PMP22: variants seen among roughly 807,000 people sequenced by gnomAD.
The protein encoded by PMP22 is Charcot-Marie-Tooth neuropathy 1A (greatly reduced nerve conduction velocity, hereditary motor sensory neuropathy Ia).
Under a neutral mutation model 18.9 loss-of-function variants are expected in PMP22, and 2 were observed. The ratio of observed to expected loss-of-function variants is 0.11; its 90% CI spans 0.04 to 0.33. The LOEUF (loss-of-function observed/expected upper bound fraction) is 0.33. Among genes scored for constraint, PMP22 ranks in the 10% least tolerant of loss-of-function variants. PMP22 has a pLI of 1.00. For missense variants in PMP22, 169 were observed against 202.2 expected, an observed-to-expected ratio of 0.84 and a Z score of 1.00; for synonymous variants, 95 against 89.2, an observed-to-expected ratio of 1.07 and a Z score of -0.37.
intron 3 of PMP22, among the ~76,000 whole-genome samples, chr17:15,251,236 C>G (rs1455153881): frequency 6.6e-6 from 1 of 152,202 alleles, no homozygotes; most frequent in East Asian, 1.9e-4. Flanking sequence ...AGAGGCCTTC[C>G]CTGAGCAGCT....
intron 4 of PMP22, chr17:15,235,392 A>G: frequency 1.4e-6 from 1 of 703,810 alleles, no homozygotes; most frequent in Non-Finnish European, 2.6e-6. Flanking sequence ...AGTAAAATAA[A>G]TCAAAACGTG....
intron 3 of PMP22, among the ~76,000 whole-genome samples, chr17:15,246,354 T>C (rs1907814717): frequency 6.6e-6 from 1 of 152,226 alleles, no homozygotes; most frequent in South Asian, 2.1e-4. Flanking sequence ...TAGCCATTTA[T>C]CCAATAAAAT....
intron 1 of PMP22, 199 bp from the exon 2 acceptor site, chr17:15,260,960 T>G: frequency 2.9e-6 from 1 of 340,264 alleles, no homozygotes; most frequent in South Asian, 1.0e-4. Context: ...CAGCGCCCAG[T>G]GCCCAGCGCC....
Position 15,258,982 on chromosome 17 carries a change from C to T in PMP22, c.178+112G>A. On this transcript the variant is annotated intron_variant, in intron 3 of 4. Transcript: ENST00000312280. This position sits in a 1 kb window ranked among gnomAD's most constrained non-coding sequence, Gnocchi z 4.1. ...GGCTCCCTGTCACATCCCACCCCACCCCAGCAACGACATTCTGGCTTGTGT... is the reference window on the plus strand; with the variant it reads ...GGCTCCCTGTCACATCCCACCCCACTCCAGCAACGACATTCTGGCTTGTGT... The T allele has an allele frequency of 3.7e-6, 3 of 817,590 alleles. No individual in the cohort carries two copies. Among genetic ancestry groups the T allele is most frequent in the Non-Finnish European group, 6.3e-6 (3 of 478,726 alleles). 50.6% of individuals were successfully genotyped at this position (817,590 alleles called of 1,614,324 possible).
At chr17:15,235,883 T>C (rs889599673) in intron 4 of PMP22, among the ~76,000 whole-genome samples, 2 of 152,064 alleles carry the variant, frequency 1.3e-5, no homozygotes, top group African/African-American at 2.4e-5. Flanking sequence ...GTTTCCCAAG[T>C]AGCTGGGACT....
intron 3 of PMP22, among the ~76,000 whole-genome samples, chr17:15,249,026 G>C (rs1359193661): frequency 6.6e-6 from 1 of 152,090 alleles, no homozygotes; most frequent in Non-Finnish European, 1.5e-5. Flanking sequence ...AAATAATAGA[G>C]TTCTCCTCCT....
chr17:15,245,303 G>C (rs2150685771), intron 3 of PMP22, among the ~76,000 whole-genome samples: 1 of 152,332 alleles, frequency 6.6e-6, no homozygotes, highest in South Asian at 2.1e-4. Flanking sequence ...GTAAGAGACA[G>C]CAGATATCAC....
At chr17:15,256,799 T>C (rs1908868292) in intron 3 of PMP22, among the ~76,000 whole-genome samples, 1 of 152,314 alleles carries the variant, frequency 6.6e-6, no homozygotes, top group Non-Finnish European at 1.5e-5. Flanking sequence ...TTTTTCAGCT[T>C]ATTGTCTGCA....
chr17:15,256,226 T>C (rs1908814610), intron 3 of PMP22, among the ~76,000 whole-genome samples: 1 of 152,194 alleles, frequency 6.6e-6, no homozygotes, highest in African/African-American at 2.4e-5. Flanking sequence ...AACCTAGATG[T>C]TAGACTGCCT....
intron 3 of PMP22, among the ~76,000 whole-genome samples, chr17:15,247,320 G>A (rs528426932): frequency 6.6e-6 from 1 of 152,330 alleles, no homozygotes; most frequent in African/African-American, 2.4e-5. Context: ...AGTGAGCCGA[G>A]ATGGCGCCAC....
At chr17:15,256,570 G>A (rs1331971060) in intron 3 of PMP22, among the ~76,000 whole-genome samples, 4 of 152,128 alleles carry the variant, frequency 2.6e-5, no homozygotes, top group Non-Finnish European at 5.9e-5. Flanking sequence ...GAACCCAGGA[G>A]GTGGAGGTTG....
chr17:15,263,753 C>A (rs547910446), intron 1 of PMP22, among the ~76,000 whole-genome samples: 1 of 152,238 alleles, frequency 6.6e-6, no homozygotes, highest in Admixed American at 6.5e-5. Flanking sequence ...AAAAGATCTT[C>A]AAACAATGAT....
chr17:15,248,448 C>T (rs919199208), intron 3 of PMP22, among the ~76,000 whole-genome samples: 5 of 152,198 alleles, frequency 3.3e-5, no homozygotes, highest in African/African-American at 9.7e-5. Flanking sequence ...AATTAAGAGG[C>T]TTTGTGGCAG....
At position 15,265,246 on chromosome 17, in the gene PMP22, A is replaced by AGAG. The variant is rs1229534370; in HGVS notation, c.-130_-128dup. 2 of 152,194 alleles carry AGAG rather than the reference A, an allele frequency of 1.3e-5. No individual in the cohort carries two copies. The highest frequency in any genetic ancestry group is 4.8e-5 in the African/African-American group (2 of 41,444). 9.4% of individuals were successfully genotyped at this position (152,194 alleles called of 1,614,324 possible). ...GCAAGACCCTCCCCACAGGGCAGTC[A>AGAG]GAGACCCGCAGCCGACAGACTAAGC... On this transcript the variant is annotated 5_prime_UTR_variant, in exon 1 of 5. Coordinates refer to ENST00000312280, the MANE Select transcript of PMP22 (RefSeq NM_000304.4).
At chr17:15,240,517 T>C (rs991327211) in intron 3 of PMP22, among the ~76,000 whole-genome samples, 1 of 151,224 alleles carries the variant, frequency 6.6e-6, no homozygotes, top group Non-Finnish European at 1.5e-5. Context: ...CTTCCTTATC[T>C]CTGTTGAACC....
intron 3 of PMP22, among the ~76,000 whole-genome samples, chr17:15,248,599 G>A (rs757314521): frequency 2.0e-5 from 3 of 152,178 alleles, no homozygotes; most frequent in Non-Finnish European, 2.9e-5. Flanking sequence ...TAAGCTGTCT[G>A]AGGCTTTTTT....
chr17:15,252,294 G>T (rs1360124900), intron 3 of PMP22, among the ~76,000 whole-genome samples: 1 of 152,174 alleles, frequency 6.6e-6, no homozygotes, highest in East Asian at 1.9e-4. Context: ...AAGGGCTCAG[G>T]TTGGGGGCTG....
In PMP22 at chr17:15,259,066, A is replaced by T. The variant is rs750127600; in HGVS notation, c.178+28T>A. 5 of 1,509,284 alleles carry T rather than the reference A, an allele frequency of 3.3e-6. No homozygotes were observed. In the Admixed American group the frequency reaches 8.4e-5, roughly 25 times the overall value. The allele number at this position is 1,509,284 out of a possible 1,614,324, so 93.5% of individuals were successfully genotyped here. A position where few individuals can be genotyped will look rare whatever the true frequency, so the allele number is the denominator to read the frequency against. On this transcript the variant is annotated intron_variant, in intron 3 of 4. Coordinates refer to ENST00000312280, the MANE Select transcript of PMP22 (RefSeq NM_000304.4). Reference sequence around the variant, plus strand: ...AACGTGTTACAGGCGTCTGAGGACAAGCTCATGGAGCACAAAACCAGCCTC... The same window carrying T: ...AACGTGTTACAGGCGTCTGAGGACATGCTCATGGAGCACAAAACCAGCCTC...
At chr17:15,234,605 C>T (rs1906628851) in intron 4 of PMP22, among the ~76,000 whole-genome samples, 2 of 152,160 alleles carry the variant, frequency 1.3e-5, no homozygotes, top group Admixed American at 1.3e-4. Flanking sequence ...TTGAAGCCCA[C>T]TCCTTTTACA....
Sources: gnomAD v4.1 joint callset for allele counts (sites outside exome capture counted in the v4.1 genomes callset) on GRCh38, gnomAD v4.1.1 for gene constraint, Gnocchi (gnomAD v3.1) non-coding constraint, MANE v1.5 for transcripts, NCBI Gene and HGNC (gene_info 2026-07-23, HGNC 2026-07-21) for gene names.